Variants in FGF3 observed in about 807,000 individuals in gnomAD.
FGF3 encodes FGF-3.
FGF3 carries 7 observed loss-of-function variants against 9.8 expected under a neutral mutation model. That is an observed-to-expected ratio of 0.72 (90% confidence interval 0.41 to 1.35). The LOEUF (loss-of-function observed/expected upper bound fraction) is 1.35. Ranked by LOEUF, FGF3 falls within the 40% of genes most tolerant of loss-of-function variation. FGF3 has a pLI of 0.01. For missense variants in FGF3, 390 were observed against 345.6 expected (o/e 1.13, Z -1.02); for synonymous variants, 173 against 157.2 (o/e 1.10, Z -0.75).
At chr11:69,812,549 C>G (rs56377765) in intron 2 of FGF3, among the ~76,000 whole-genome samples, 25,852 of 152,082 alleles carry the variant, frequency 0.17, 2,324 homozygotes, top group Middle Eastern at 0.27. Flanking sequence ...AGGGGTGGTG[C>G]CAGGCCCTAC....
chr11:69,813,585 TAGA>T (rs879992264), intron 2 of FGF3, among the ~76,000 whole-genome samples: 47,132 of 131,478 alleles, frequency 0.36, 6,903 homozygotes, highest in East Asian at 0.41. Context: ...GATGGATGGA[TAGA>T]TGGGTGGGTG....
intron 2 of FGF3, among the ~76,000 whole-genome samples, chr11:69,813,398 G>C (rs544878213): frequency 1.3e-5 from 2 of 152,348 alleles, no homozygotes; most frequent in Admixed American, 1.3e-4. Context: ...CCTGGGGGAT[G>C]CCTGCGCATC....
At chr11:69,813,529 C>G (rs1346759066) in intron 2 of FGF3, among the ~76,000 whole-genome samples, 2 of 147,994 alleles carry the variant, frequency 1.4e-5, no homozygotes, top group Admixed American at 6.8e-5. Context: ...GAACGAAGGA[C>G]TGAATGTCAG....
In FGF3 at chr11:69,813,824, G is replaced by A. The variant is rs146663171; in HGVS notation, c.324+2496C>T. ...GATGGATGGGTGGATGGGTGGATGG[G>A]TGGATGGGTGGATGGCTGGTTGGAT... On this transcript the variant is annotated intron_variant, in intron 2 of 2. Coordinates refer to ENST00000334134, the MANE Select transcript of FGF3 (RefSeq NM_005247.4). Among the ~76,000 whole-genome samples the A allele has an allele frequency of 3.7e-4, 37 of 99,560 alleles. 1 individual carries two copies. Among genetic ancestry groups the A allele is most frequent in the Middle Eastern group, 0.012 (2 of 168 alleles). The allele number at this position is 99,560 out of a possible 152,430, so 65.3% of individuals were successfully genotyped here. A position where few individuals can be genotyped will look rare whatever the true frequency, so the allele number is the denominator to read the frequency against.
In FGF3 at chr11:69,818,774, A is replaced by T; in HGVS notation, c.160T>A (p.Tyr54Asn). The T allele has an allele frequency of 6.7e-7, 1 of 1,497,454 alleles. No individual in the cohort carries two copies. The highest frequency in any genetic ancestry group is 8.8e-7 in the Non-Finnish European group (1 of 1,130,018). 92.8% of individuals were successfully genotyped at this position (1,497,454 alleles called of 1,614,324 possible). A position where few individuals can be genotyped will look rare whatever the true frequency, so the allele number is the denominator to read the frequency against. ...CCGCTCGGGTGCAGCTGGAGGTGGTACTTCGTGGCGCAGTAGAGCTTGCGG... is the reference window on the plus strand; with the variant it reads ...CCGCTCGGGTGCAGCTGGAGGTGGTTCTTCGTGGCGCAGTAGAGCTTGCGG... ...RRRKLYCATK[Y>N]HLQLHPSGRV... is the part of the protein sequence containing the mutation. Residue 54 changes from tyrosine to asparagine, a missense_variant, in exon 1 of 3, where the codon TAC becomes AAC. By Grantham distance (143) the Tyr-to-Asn change is moderately radical. Transcript: ENST00000334134.
intron 2 of FGF3, among the ~76,000 whole-genome samples, chr11:69,811,860 C>A (rs1334190776): frequency 2.6e-5 from 4 of 152,218 alleles, no homozygotes; most frequent in Non-Finnish European, 5.9e-5. Context: ...GCAGAAGGGA[C>A]CCTGCCCTCT....
At position 69,817,703 on chromosome 11, in the gene FGF3, C is replaced by A. The variant is rs1856158888; in HGVS notation, c.220+1011G>T. Among the ~76,000 whole-genome samples the A allele has an allele frequency of 2.0e-5, 3 of 152,220 alleles. No homozygotes were observed. In the South Asian group the frequency reaches 6.2e-4, roughly 31 times the overall value. On this transcript the variant is annotated intron_variant, in intron 1 of 2. Coordinates refer to ENST00000334134, the MANE Select transcript of FGF3 (RefSeq NM_005247.4). Reference sequence around the variant, plus strand: ...TGAGGCCGCCGCCGCCACCTTCAAGCGGCGGAACCGCTTCCTGCGCCCGGG... The same window carrying A: ...TGAGGCCGCCGCCGCCACCTTCAAGAGGCGGAACCGCTTCCTGCGCCCGGG...
At chr11:69,813,900 A>ATGGATGGATGGATGGG (rs1856083191) in intron 2 of FGF3, among the ~76,000 whole-genome samples, 1 of 146,906 alleles carries the variant, frequency 6.8e-6, no homozygotes, top group African/African-American at 2.5e-5. Flanking sequence ...GGATGGCTGG[A>ATGGATGGATGGATGGG]TGGATGGGTG....
In FGF3 at chr11:69,810,652, C is replaced by T. The variant is rs1462325550; in HGVS notation, c.373G>A (p.Gly125Ser). ...AGCCGGGAGGCATACGTATTATAGC[C>T]CAGCTCGTGGATCCGCTCCACAAAC... The part of the protein sequence containing the change: ...CEFVERIHEL[G>S]YNTYASRLYR... Residue 125 changes from glycine (G) to serine (S), a missense_variant, in exon 3 of 3, where the codon GGC becomes AGC. Gly to Ser is a moderately conservative substitution (Grantham distance 56, BLOSUM62 0). Transcript: ENST00000334134. 2 of 1,594,248 alleles carry T rather than the reference C, an allele frequency of 1.3e-6. No homozygotes were observed. Among genetic ancestry groups the T allele is most frequent in the African/African-American group, 1.3e-5 (1 of 74,520 alleles).
At chr11:69,813,829 T>G (rs1856078551) in intron 2 of FGF3, among the ~76,000 whole-genome samples, 2 of 146,494 alleles carry the variant, frequency 1.4e-5, no homozygotes, top group Admixed American at 1.3e-4. Flanking sequence ...GATGGGTGGA[T>G]GGGTGGATGG....
rs1856187532 is a variant in FGF3 at position 69,818,803 on chromosome 11, C to T, written c.131G>A (p.Arg44Gln). The T allele has an allele frequency of 6.7e-6, 10 of 1,491,386 alleles. No homozygotes were observed. The highest frequency in any genetic ancestry group is 8.9e-6 in the Non-Finnish European group (10 of 1,127,576). The allele number at this position is 1,491,386 out of a possible 1,614,324, so 92.4% of individuals were successfully genotyped here. The change falls in exon 1 of 3, where the codon CGG (arginine) becomes CAG (glutamine). Residue 44 changes from arginine to glutamine, a missense_variant. Physicochemically the swap from Arg to Gln is conservative, Grantham distance 43. Transcript: ENST00000334134. ...CGTGGCGCAGTAGAGCTTGCGGCGC[C>T]GGGGCGCCCCGCCAAGGTGCTCGTA... is the stretch of plus-strand genomic sequence containing the variant. ...GVYEHLGGAP[R>Q]RRKLYCATKY...
intron 1 of FGF3, 90 bp from the exon 2 acceptor site, chr11:69,816,513 G>T: frequency 1.0e-6 from 1 of 971,196 alleles, no homozygotes; most frequent in Non-Finnish European, 1.6e-6. Context: ...CACACCCCGG[G>T]CTCAGGGCTG....
At chr11:69,811,965 C>T (rs1004870005) in intron 2 of FGF3, among the ~76,000 whole-genome samples, 1 of 152,204 alleles carries the variant, frequency 6.6e-6, no homozygotes, top group African/African-American at 2.4e-5. Context: ...CTCATGGGGT[C>T]TTCTTAGTCT....
At chr11:69,813,694 G>A (rs1856067955) in intron 2 of FGF3, among the ~76,000 whole-genome samples, 1 of 139,322 alleles carries the variant, frequency 7.2e-6, no homozygotes, top group Non-Finnish European at 1.6e-5. Flanking sequence ...ATGGGTGGAT[G>A]GATGGATAGG....
Position 69,818,876 on chromosome 11 carries a change from C to A in FGF3, c.58G>T (p.Gly20Cys). ...SLLEPGWPAA[G>C]PGARLRRDAG... Reference sequence around the variant, plus strand: ...TCGCGCCGCAACCGCGCCCCAGGGCCCGCTGCGGGCCAGCCGGGCTCCAGC... The same window carrying A: ...TCGCGCCGCAACCGCGCCCCAGGGCACGCTGCGGGCCAGCCGGGCTCCAGC... Residue 20 changes from glycine (G) to cysteine (C), a missense_variant, in exon 1 of 3, where the codon GGC becomes TGC. By Grantham distance (159) the Gly-to-Cys change is radical. Transcript: ENST00000334134. The A allele has an allele frequency of 6.8e-7, 1 of 1,462,678 alleles. No individual in the cohort carries two copies. Among genetic ancestry groups the A allele is most frequent in the Non-Finnish European group, 9.0e-7 (1 of 1,113,688 alleles). The allele number at this position is 1,462,678 out of a possible 1,614,324, so 90.6% of individuals were successfully genotyped here.
intron 1 of FGF3, 107 bp from the exon 2 acceptor site, chr11:69,816,530 G>T: frequency 1.3e-6 from 1 of 799,218 alleles, no homozygotes; most frequent in Non-Finnish European, 2.2e-6. Context: ...GCTGGGGAGG[G>T]TAGCACACAC....
chr11:69,817,933 G>T (rs1379937469), intron 1 of FGF3, among the ~76,000 whole-genome samples: 1 of 152,186 alleles, frequency 6.6e-6, no homozygotes, highest in Non-Finnish European at 1.5e-5. Flanking sequence ...CGGGCCGCGG[G>T]TCCTGCGTGC....
rs281860303 is a variant in FGF3 at position 69,816,361 on chromosome 11, G to T, written c.283C>A (p.Arg95=). The T allele has an allele frequency of 1.2e-6, 2 of 1,614,034 alleles. No homozygotes were observed. Among genetic ancestry groups the T allele is most frequent in the African/African-American group, 1.3e-5 (1 of 75,016 alleles). Reference sequence around the variant, plus strand: ...CCCCTCTTGTTCATGGCCAGGTACCGCCCGGAGAAGAGACCCCTGATGGCC... The same window carrying T: ...CCCCTCTTGTTCATGGCCAGGTACCTCCCGGAGAAGAGACCCCTGATGGCC... ...IVAIRGLFSG[R]YLAMNKRGRL... is the part of the protein sequence containing the mutation. The change falls in exon 2 of 3, where the codon CGG becomes AGG. Residue 95 remains arginine, a synonymous_variant. Transcript: ENST00000334134.
intron 2 of FGF3, among the ~76,000 whole-genome samples, chr11:69,811,282 T>C (rs1856025206): frequency 6.6e-6 from 1 of 151,740 alleles, no homozygotes; most frequent in African/African-American, 2.4e-5. Context: ...ACCCCGTCTC[T>C]ACTAAAAATA....
Sources: allele counts gnomAD v4.1 joint callset (sites outside exome capture counted in the v4.1 genomes callset), GRCh38; gene constraint gnomAD v4.1.1; transcripts MANE v1.5; gene names NCBI Gene and HGNC (gene_info 2026-07-23, HGNC 2026-07-21).